Variants in PHF20L1 observed in about 807,000 individuals in gnomAD.
PHF20L1 encodes the protein PHD finger protein 20-like protein 1.
A neutral mutation model predicts 125.5 loss-of-function variants in PHF20L1; 44 were observed. That is an observed-to-expected ratio of 0.35 (90% CI 0.28 to 0.45). The LOEUF (loss-of-function observed/expected upper bound fraction) is 0.45. PHF20L1 is among the 20% of genes least tolerant of loss of function. The pLI is 1.00. For synonymous variants in PHF20L1, 380 were observed against 403.1 expected (o/e 0.94, Z 0.69); for missense variants, 1,012 against 1,217.2 (o/e 0.83, Z 2.51).
At chr8:132,783,651 A>G (rs1830686591) in intron 2 of PHF20L1, among the ~76,000 whole-genome samples, 1 of 152,126 alleles carries the variant, frequency 6.6e-6, no homozygotes. Context: ...TCTTTTGCTA[A>G]TATTAATATG....
Position 132,799,110 on chromosome 8 carries a change from C to T in PHF20L1, c.445C>T (p.Pro149Ser), listed in dbSNP as rs765601179. Residue 149 changes from proline (P) to serine (S), a missense_variant, in exon 6 of 21, where the codon CCA (proline) becomes TCA (serine). This residue lies in a region of PHF20L1 where 134 missense variants were observed against 145.9 expected (regional missense o/e 0.92). Coordinates refer to ENST00000395386, the MANE Select transcript of PHF20L1 (RefSeq NM_016018.5). ...TCTGTTCCAGGTGAAATCCCAGCAT[C>T]CACTAAGCTGGTGTTGTCCTATCGA... ...DAKGQVKSQH[P>S]LSWCCPIDPA... 3.1e-6 allele frequency: 5 copies of T among 1,609,868 alleles called. No homozygotes were observed. Among genetic ancestry groups the T allele is most frequent in the Non-Finnish European group, 4.2e-6 (5 of 1,177,322 alleles).
chr8:132,803,742 G>T, intron 6 of PHF20L1, 77 bp from the exon 7 acceptor site: 1 of 748,782 alleles, frequency 1.3e-6, no homozygotes, highest in South Asian at 1.7e-5. Flanking sequence ...TTGAAAATGT[G>T]ACACATATTT....
rs904654498 is a variant in PHF20L1, at chr8:132,845,840, T to C, written c.2971T>C (p.Leu991=). ...GGAGCCACCAGATCCTCTTGCAAGATTGCCCCAACTTAAACGCCACATAAA... is the reference window on the plus strand; with the variant it reads ...GGAGCCACCAGATCCTCTTGCAAGACTGCCCCAACTTAAACGCCACATAAA... The part of the protein sequence containing the change: ...ELEPPDPLAR[L]PQLKRHIKQL... The change falls in exon 21 of 21, where the codon TTG becomes CTG. Residue 991 remains leucine (L), a synonymous_variant. Coordinates refer to ENST00000395386, the MANE Select transcript of PHF20L1 (RefSeq NM_016018.5). 6 of 1,610,988 alleles carry C rather than the reference T, an allele frequency of 3.7e-6. No individual in the cohort carries two copies. The highest frequency in any genetic ancestry group is 2.2e-5 in the South Asian group (2 of 90,996).
At chr8:132,819,345 A>G (rs1420882386) in intron 12 of PHF20L1, among the ~76,000 whole-genome samples, 2 of 151,964 alleles carry the variant, frequency 1.3e-5, no homozygotes, top group Non-Finnish European at 2.9e-5. Context: ...AAGGAAATGC[A>G]TAGTTTTAAT....
chr8:132,793,537 CTGTG>C (rs529620109), intron 2 of PHF20L1, among the ~76,000 whole-genome samples: 94 of 152,268 alleles, frequency 6.2e-4, no homozygotes, highest in African/African-American at 2.2e-3. Flanking sequence ...GAATCATCCA[CTGTG>C]TGCTGCTATT....
intron 2 of PHF20L1, among the ~76,000 whole-genome samples, chr8:132,780,997 A>G (rs1830362576): frequency 6.6e-6 from 1 of 151,956 alleles, no homozygotes. Context: ...GGTGTGCACC[A>G]CAAGTCTGGG....
chr8:132,835,708 C>T (rs567364622), intron 15 of PHF20L1, among the ~76,000 whole-genome samples: 10 of 152,144 alleles, frequency 6.6e-5, no homozygotes, highest in South Asian at 4.1e-4. Flanking sequence ...CTCACGGTTC[C>T]GGTTTTAAGA....
intron 2 of PHF20L1, among the ~76,000 whole-genome samples, chr8:132,778,792 G>A (rs1830104855): frequency 6.6e-6 from 1 of 152,188 alleles, no homozygotes; most frequent in African/African-American, 2.4e-5. Context: ...CCTGAGAGGG[G>A]CATTAGAGGG....
chr8:132,794,962 T>C (rs1832208947), intron 4 of PHF20L1, 145 bp downstream of exon 4: 1 of 607,580 alleles, frequency 1.6e-6, no homozygotes, highest in South Asian at 2.2e-5. Flanking sequence ...GAGCATTTGA[T>C]TTGTTATGTG....
chr8:132,794,258 C>G (rs1184116717), intron 2 of PHF20L1, 152 bp from the exon 3 acceptor site: 1 of 537,832 alleles, frequency 1.9e-6, no homozygotes, highest in Non-Finnish European at 3.3e-6. Context: ...GACAATAAAG[C>G]AGAGTTTTTT....
intron 13 of PHF20L1, chr8:132,824,279 T>G (rs1587006551): frequency 2.7e-6 from 1 of 367,380 alleles, no homozygotes; most frequent in African/African-American, 2.1e-5. Flanking sequence ...TCTTGCTTTC[T>G]CCAAAGGAAC....
At position 132,780,312 on chromosome 8, in the gene PHF20L1, T is replaced by C. The variant is rs1830282937; in HGVS notation, c.83+2401T>C. On this transcript the variant is annotated intron_variant, in intron 2 of 20. Transcript: ENST00000395386. ...AGTTCTGAGATTAGTGCTCTTAACA[T>C]TTTATTTATAAATAGGATAATAAAC... 3.3e-5 allele frequency among the ~76,000 whole-genome samples: 5 copies of C among 152,262 alleles called. No homozygotes were observed. In the South Asian group the frequency reaches 1.0e-3, roughly 32 times the overall value.
At chr8:132,802,026 T>C (rs1833111663) in intron 6 of PHF20L1, among the ~76,000 whole-genome samples, 1 of 151,728 alleles carries the variant, frequency 6.6e-6, no homozygotes, top group Admixed American at 6.6e-5. Flanking sequence ...TTAAATGCTC[T>C]ACTCTTAATA....
At chr8:132,805,534 A>G (rs1833585982) in intron 8 of PHF20L1, among the ~76,000 whole-genome samples, 1 of 151,980 alleles carries the variant, frequency 6.6e-6, no homozygotes, top group South Asian at 2.1e-4. Flanking sequence ...AAATACTTTC[A>G]TGATTTAGTC....
chr8:132,799,064 TA>T, intron 5 of PHF20L1, 30 bp from the exon 6 acceptor site: 1 of 1,581,024 alleles, frequency 6.3e-7, no homozygotes, highest in Non-Finnish European at 8.7e-7. Flanking sequence ...TTAGACCTGC[TA>T]AAGTTATAGG....
At chr8:132,843,706 A>C (rs1237991130) in intron 19 of PHF20L1, 1 of 983,694 alleles carries the variant, frequency 1.0e-6, no homozygotes, top group Non-Finnish European at 1.2e-6. Flanking sequence ...GATTTACTGT[A>C]CTATAACAGT....
At position 132,840,587 on chromosome 8, in the gene PHF20L1, G is replaced by T. The variant is rs574760440; in HGVS notation, c.2387+1005G>T. ...ACACATACTCTGTCTACCATTTTTTGTTGCCACATAATCCCTGTGCTTTTT... is the reference window on the plus strand; with the variant it reads ...ACACATACTCTGTCTACCATTTTTTTTTGCCACATAATCCCTGTGCTTTTT... On this transcript the variant is annotated intron_variant, in intron 18 of 20. Transcript: ENST00000395386. Among the ~76,000 whole-genome samples the T allele has an allele frequency of 2.6e-5, 4 of 151,962 alleles. No homozygotes were observed. The South Asian group carries it at 8.3e-4, about 32-fold the overall frequency.
chr8:132,824,623 GTGA>G (rs1396437947), intron 13 of PHF20L1: 2 of 162,304 alleles, frequency 1.2e-5, no homozygotes, highest in Non-Finnish European at 2.7e-5. Flanking sequence ...TAGGATATGT[GTGA>G]TGATTTAATT....
chr8:132,778,576 C>CATA (rs1830081942), intron 2 of PHF20L1, among the ~76,000 whole-genome samples: 1 of 152,130 alleles, frequency 6.6e-6, no homozygotes, highest in African/African-American at 2.4e-5. Flanking sequence ...AGCCTTTATA[C>CATA]AGTGGTTAGG....
Sources: gnomAD v4.1 joint callset for allele counts (sites outside exome capture counted in the v4.1 genomes callset) on GRCh38, gnomAD v4.1.1 for gene constraint, gnomAD v4.1.1 regional missense constraint, MANE v1.5 for transcripts, NCBI Gene and HGNC (gene_info 2026-07-23, HGNC 2026-07-21) for gene names.